CCND3: variants seen among roughly 807,000 people sequenced by gnomAD.
The protein encoded by CCND3 is cyclin D3, also known as G1/S-specific cyclin-D3.
CCND3 carries 9 observed loss-of-function variants against 28.7 expected under a neutral mutation model. The observed-to-expected ratio is 0.31, with a 90% CI of 0.19 to 0.55. The LOEUF is 0.55. Ranked by LOEUF, CCND3 falls within the 20% of genes least tolerant of loss-of-function variation. CCND3 has a pLI of 0.93. For missense variants in CCND3, 315 were observed against 385.8 expected (o/e 0.82, Z 1.54); for synonymous variants, 164 against 163.9 (o/e 1.00, Z 0.00).
At chr6:42,026,831 G>A (rs9471736) in intron 1 of CCND3, among the ~76,000 whole-genome samples, 31,238 of 152,102 alleles carry the variant, frequency 0.21, 3,519 homozygotes, top group East Asian at 0.33. Context: ...GCTGGCTGAC[G>A]GACCCAGCAG....
rs565994618 is a variant in CCND3, at chr6:41,951,887, T to C, written c.-45-11302A>G. Reference sequence around the variant, plus strand: ...AATTCTCCTGCCTCAGCCTCCTAAGTAGCGGGGATTACAGGTGCTCGCCAC... The same window carrying C: ...AATTCTCCTGCCTCAGCCTCCTAAGCAGCGGGGATTACAGGTGCTCGCCAC... On this transcript the variant is annotated intron_variant, in intron 1 of 4. Coordinates refer to the CCND3 transcript ENST00000372988. Among the ~76,000 whole-genome samples, 23 of 152,134 alleles carry C rather than the reference T, an allele frequency of 1.5e-4. 1 individual carries two copies. In the East Asian group the frequency reaches 4.3e-3, roughly 28 times the overall value.
At chr6:41,994,369 T>C (rs987561687) in intron 1 of CCND3, among the ~76,000 whole-genome samples, 8 of 152,076 alleles carry the variant, frequency 5.3e-5, no homozygotes, top group Non-Finnish European at 8.8e-5. Flanking sequence ...TATCAGAACA[T>C]ACCCCCCTCA....
At chr6:41,953,237 C>A (rs1776356715) in intron 1 of CCND3, among the ~76,000 whole-genome samples, 1 of 148,604 alleles carries the variant, frequency 6.7e-6, no homozygotes, top group Admixed American at 6.8e-5. Flanking sequence ...TGCACTCCAG[C>A]CTGGGTGACA....
chr6:41,986,572 A>G (rs1582133983), intron 1 of CCND3, among the ~76,000 whole-genome samples: 1 of 148,244 alleles, frequency 6.7e-6, no homozygotes, highest in East Asian at 2.0e-4. Context: ...TCTTTGGGGG[A>G]TAGTTTGTTG....
Position 41,936,324 on chromosome 6 carries a change from CACTCCA to C in CCND3, c.712-223_712-218del. ...CATCTGACACCAAACCCCCCACCCC[CACTCCA>C]GCACACCACTTGGCAAGAAAAGAAC... On this transcript the variant is annotated intron_variant, in intron 4 of 4. Coordinates refer to ENST00000372991, the MANE Select transcript of CCND3 (RefSeq NM_001760.5). The surrounding 1 kb of genome is among the most constrained non-coding windows in gnomAD (Gnocchi z 4.4). The C allele has an allele frequency of 1.5e-6, 1 of 651,940 alleles. No individual in the cohort carries two copies. The highest frequency in any genetic ancestry group is 1.8e-5 in the African/African-American group (1 of 54,940). The allele number at this position is 651,940 out of a possible 1,614,324, so 40.4% of individuals were successfully genotyped here.
At chr6:41,955,587 A>G (rs1776416060) in intron 1 of CCND3, among the ~76,000 whole-genome samples, 1 of 151,864 alleles carries the variant, frequency 6.6e-6, no homozygotes, top group Non-Finnish European at 1.5e-5. Flanking sequence ...ACCCCACAGC[A>G]AACATCTTAG....
rs1320805112 is a variant in CCND3, at chr6:41,936,178, G to A, written c.712-71C>T. On this transcript the variant is annotated intron_variant, in intron 4 of 4. Transcript: ENST00000372991. This position sits in a 1 kb window ranked among gnomAD's most constrained non-coding sequence, Gnocchi z 4.4. ...CATCTGGCAGCAGGTGCAGGGGAAG[G>A]ACAGCTCCCAACACATGGGGAAGTC... is the stretch of plus-strand genomic sequence containing the variant. 8 of 1,482,622 alleles carry A rather than the reference G, an allele frequency of 5.4e-6. No homozygotes were observed. The highest frequency in any genetic ancestry group is 4.4e-5 in the Admixed American group (2 of 45,754). 91.8% of individuals were successfully genotyped at this position (1,482,622 alleles called of 1,614,324 possible).
rs747281640 is a variant in CCND3 at position 41,965,857 on chromosome 6, G to A, written c.-45-25272C>T. ...GGAGCCTTTGTGTCTCTTTAAATCC[G>A]CTTGCATATCTTTGTCTGACCCATT... On this transcript the variant is annotated intron_variant, in intron 1 of 4. Transcript: ENST00000372988. 7.6e-4 allele frequency among the ~76,000 whole-genome samples: 116 copies of A among 152,240 alleles called. 1 individual carries two copies. The highest frequency in any genetic ancestry group is 3.4e-3 in the Middle Eastern group (1 of 294).
intron 1 of CCND3, among the ~76,000 whole-genome samples, chr6:41,971,189 A>T (rs1762024663): frequency 6.6e-6 from 1 of 152,168 alleles, no homozygotes; most frequent in South Asian, 2.1e-4. Context: ...AAGTGTTGGG[A>T]TTACAGGCAT....
At position 41,936,008 on chromosome 6, in the gene CCND3, G is replaced by A. The variant is rs200046302; in HGVS notation, c.811C>T (p.Arg271Trp). 28 of 1,612,938 alleles carry A rather than the reference G, an allele frequency of 1.7e-5. No homozygotes were observed. Among genetic ancestry groups the A allele is most frequent in the Middle Eastern group, 1.7e-4 (1 of 6,034 alleles). ...TSSSPAPKAP[R>W]GSSSQGPSQT... ...CTGGGCCCTTGGCTGCTGGAGCCCC[G>A]GGGGGCTTTGGGCGCTGGGCTGGAG... is the stretch of plus-strand genomic sequence containing the variant. Residue 271 changes from arginine to tryptophan, a missense_variant, in exon 5 of 5, where the codon CGG (arginine) becomes TGG (tryptophan). Arg to Trp is a moderately radical substitution (Grantham distance 101, BLOSUM62 -3). Coordinates refer to ENST00000372991, the MANE Select transcript of CCND3 (RefSeq NM_001760.5). The surrounding 1 kb of genome is among the most constrained non-coding windows in gnomAD (Gnocchi z 4.4).
intron 1 of CCND3, among the ~76,000 whole-genome samples, chr6:42,016,957 A>G (rs1763536966): frequency 6.6e-6 from 1 of 152,216 alleles, no homozygotes; most frequent in African/African-American, 2.4e-5. Context: ...GCAAAGGAGA[A>G]AAATTAATTC....
At chr6:41,942,872 C>CTTTTTTTTTT (rs60884050), upstream of CCND3, among the ~76,000 whole-genome samples, 1 of 82,568 alleles carries the variant, frequency 1.2e-5, no homozygotes, top group Non-Finnish European at 2.2e-5. Context: ...GTTAATTATT[C>CTTTTTTTTTT]TTTTTTTTTT....
upstream of CCND3, among the ~76,000 whole-genome samples, chr6:41,945,127 T>C (rs1194644179): frequency 6.6e-6 from 1 of 152,000 alleles, no homozygotes. Context: ...AATGGCAAAT[T>C]GGAGGAGGGG....
At position 41,941,343 on chromosome 6, in the gene CCND3, C is replaced by T; in HGVS notation, c.198+109G>A. On this transcript the variant is annotated intron_variant, in intron 1 of 4. Coordinates refer to ENST00000372991, the MANE Select transcript of CCND3 (RefSeq NM_001760.5). This position sits in a 1 kb window ranked among gnomAD's most constrained non-coding sequence, Gnocchi z 6.1. ...AAAGGCCAGGCCCCGGGAGTCTTAG[C>T]CTCGGAGCATCCTGCAGATTGCTGT... The T allele has an allele frequency of 5.3e-6, 8 of 1,516,970 alleles. No individual in the cohort carries two copies. Among genetic ancestry groups the T allele is most frequent in the Non-Finnish European group, 7.0e-6 (8 of 1,136,248 alleles). 94.0% of individuals were successfully genotyped at this position (1,516,970 alleles called of 1,614,324 possible). A position where few individuals can be genotyped will look rare whatever the true frequency, so the allele number is the denominator to read the frequency against.
At chr6:41,991,192 G>A (rs2127416344) in intron 1 of CCND3, among the ~76,000 whole-genome samples, 1 of 152,108 alleles carries the variant, frequency 6.6e-6, no homozygotes, top group South Asian at 2.1e-4. Context: ...CCAAGTAGCT[G>A]GGGCTACAGG....
At position 41,994,912 on chromosome 6, in the gene CCND3, A is replaced by G. The variant is rs545687038; in HGVS notation, c.-46+53589T>C. Among the ~76,000 whole-genome samples the G allele has an allele frequency of 9.9e-5, 15 of 152,082 alleles. No individual in the cohort carries two copies. In the East Asian group the frequency reaches 2.9e-3, roughly 30 times the overall value. ...CATGGTGAAACCCCGTCTCTACTAC[A>G]AATACAAAAATTAGCCAGGCGTGGT... On this transcript the variant is annotated intron_variant, in intron 1 of 4. Coordinates refer to the CCND3 transcript ENST00000372988.
chr6:41,937,726 C>T, intron 2 of CCND3: 1 of 323,994 alleles, frequency 3.1e-6, no homozygotes, highest in Non-Finnish European at 5.9e-6. Flanking sequence ...ATTTCTCCAG[C>T]CAGGGCTGAA....
At chr6:41,989,143 A>G (rs1762579655) in intron 1 of CCND3, among the ~76,000 whole-genome samples, 1 of 152,000 alleles carries the variant, frequency 6.6e-6, no homozygotes, top group African/African-American at 2.4e-5. Flanking sequence ...ATGCAAAAAA[A>G]ACTCTTAAAA....
intron 1 of CCND3, among the ~76,000 whole-genome samples, chr6:41,957,608 T>C (rs1174969478): frequency 6.6e-6 from 1 of 152,208 alleles, no homozygotes; most frequent in Non-Finnish European, 1.5e-5. Context: ...CCTTGTTTCC[T>C]GTGAATAAAT....
Sources: allele counts gnomAD v4.1 joint callset (sites outside exome capture counted in the v4.1 genomes callset), GRCh38; gene constraint gnomAD v4.1.1; non-coding constraint Gnocchi (gnomAD v3.1); transcripts MANE v1.5; gene names NCBI Gene and HGNC (gene_info 2026-07-23, HGNC 2026-07-21).